The following EFCAB9 variants were observed in gnomAD, a reference collection of about 807,000 sequenced individuals.
EFCAB9 encodes the protein EF-hand calcium binding domain 9.
Under a neutral mutation model 15.6 loss-of-function variants are expected in EFCAB9, and 16 were observed. That is an observed-to-expected ratio of 1.03 (90% CI 0.69 to 1.56). The LOEUF is 1.56. EFCAB9 is among the 40% of genes most tolerant of loss of function. EFCAB9 has a pLI of 0.00. For synonymous variants in EFCAB9, 76 were observed against 85.4 expected (o/e 0.89, Z 0.61); for missense variants, 208 against 235.4 (o/e 0.88, Z 0.76).
intron 1 of EFCAB9, 100 bp from the exon 2 acceptor site, chr5:172,199,283 A>G: frequency 7.5e-7 from 1 of 1,341,410 alleles, no homozygotes; most frequent in East Asian, 2.5e-5. Flanking sequence ...TCCTAGATCA[A>G]TAAGCTTCCA....
chr5:172,201,842 CA>C (rs1473133070), intron 3 of EFCAB9, among the ~76,000 whole-genome samples: 5 of 151,736 alleles, frequency 3.3e-5, no homozygotes, highest in African/African-American at 1.2e-4. Flanking sequence ...GATCCTGTCT[CA>C]AAAAAAATTC....
intron 1 of EFCAB9, among the ~76,000 whole-genome samples, chr5:172,199,070 G>T (rs924770786): frequency 6.6e-6 from 1 of 152,110 alleles, no homozygotes; most frequent in Non-Finnish European, 1.5e-5. Flanking sequence ...ATATGTTAGC[G>T]CCTTGCCTTT....
In EFCAB9 at chr5:172,200,632, G is replaced by A; in HGVS notation, c.352G>A (p.Gly118Arg). ...TGTCTTTGACCTGCTTGACCTGAAA[G>A]GGGATCTGAGAATTGGTGCAAAAAA... ...RPVFDLLDLKGDLRIGAKNFE... is the reference protein window; with the variant it reads ...RPVFDLLDLKRDLRIGAKNFE... Residue 118 changes from glycine (G) to arginine (R), a missense_variant, in exon 3 of 4, where the codon GGG (glycine) becomes AGG (arginine). Transcript: ENST00000398186. 2 of 1,537,216 alleles carry A rather than the reference G, an allele frequency of 1.3e-6. No individual in the cohort carries two copies. Among genetic ancestry groups the A allele is most frequent in the Admixed American group, 3.9e-5 (2 of 50,974 alleles).
intron 2 of EFCAB9, 76 bp downstream of exon 2, chr5:172,199,607 C>T (rs1771222934): frequency 2.6e-5 from 38 of 1,485,856 alleles, no homozygotes; most frequent in Non-Finnish European, 3.1e-5. Flanking sequence ...AAGTTTTCCT[C>T]CTTTCACTAA....
At chr5:172,194,456 A>G (rs963189435) in intron 1 of EFCAB9, 148 bp downstream of exon 1, 13 of 1,083,498 alleles carry the variant, frequency 1.2e-5, no homozygotes, top group Non-Finnish European at 1.4e-5. Context: ...CTGGAGTACG[A>G]TGGCGCGATC....
chr5:172,196,565 G>A (rs1400222910), intron 1 of EFCAB9, among the ~76,000 whole-genome samples: 1 of 151,850 alleles, frequency 6.6e-6, no homozygotes, highest in Non-Finnish European at 1.5e-5. Context: ...TAGTAGAGAC[G>A]AGGTTTCTCC....
At chr5:172,201,775 G>A (rs1036097530) in intron 3 of EFCAB9, among the ~76,000 whole-genome samples, 4 of 152,114 alleles carry the variant, frequency 2.6e-5, no homozygotes, top group African/African-American at 9.7e-5. Flanking sequence ...CTGGGAGGCT[G>A]AGAAGGGAGG....
intron 3 of EFCAB9, 130 bp from the exon 4 acceptor site, chr5:172,203,084 A>C: frequency 1.1e-6 from 1 of 888,052 alleles, no homozygotes; most frequent in Non-Finnish European, 1.6e-6. Context: ...GACTATAATT[A>C]TGTCCCAATT....
At chr5:172,195,183 A>AATAAAAAT (rs779715012) in intron 1 of EFCAB9, among the ~76,000 whole-genome samples, 39 of 146,986 alleles carry the variant, frequency 2.7e-4, no homozygotes, top group South Asian at 4.2e-4. Context: ...TAAATAAATA[A>AATAAAAAT]AAATAAATAA....
At chr5:172,195,088 TGTGGGAA>T (rs1316359012) in intron 1 of EFCAB9, among the ~76,000 whole-genome samples, 1 of 151,962 alleles carries the variant, frequency 6.6e-6, no homozygotes, top group African/African-American at 2.4e-5. Context: ...TTATCTGTCA[TGTGGGAA>T]GTTTGAATCT....
At chr5:172,202,972 C>T (rs1461113047) in intron 3 of EFCAB9, among the ~76,000 whole-genome samples, 2 of 152,214 alleles carry the variant, frequency 1.3e-5, no homozygotes, top group Admixed American at 1.3e-4. Context: ...GCACTCCGGC[C>T]TGGGCGACAG....
intron 1 of EFCAB9, 56 bp from the exon 2 acceptor site, chr5:172,199,327 T>C (rs1303597932): frequency 1.3e-6 from 2 of 1,519,478 alleles, no homozygotes; most frequent in African/African-American, 1.4e-5. Context: ...TCTAGCTGTT[T>C]AGCATTTTGG....
rs1286419886 is a variant in EFCAB9, at chr5:172,194,303, T to G, written c.131T>G (p.Leu44Trp). 6.5e-7 allele frequency: 1 copy of G among 1,537,802 alleles called. No individual in the cohort carries two copies. Among genetic ancestry groups the G allele is most frequent in the African/African-American group, 1.4e-5 (1 of 73,060 alleles). Residue 44 changes from leucine (L) to tryptophan (W), a missense_variant, in exon 1 of 4, where the codon TTG (leucine) becomes TGG (tryptophan). By Grantham distance (61) the Leu-to-Trp change is moderately conservative. Transcript: ENST00000398186. ...CTGGACGTGCACGGCAAGAACACCT[T>G]GAATGGTCAGTACTTTCAGACATGT... ...HILDVHGKNT[L>W]NDVLFYHFLH...
chr5:172,195,082 CTGTCA>C (rs973668977), intron 1 of EFCAB9, among the ~76,000 whole-genome samples: 8 of 151,928 alleles, frequency 5.3e-5, no homozygotes, highest in Non-Finnish European at 1.0e-4. Context: ...CAAGATTTAT[CTGTCA>C]TGTGGGAAGT....
chr5:172,199,124 A>G (rs534350917), intron 1 of EFCAB9, among the ~76,000 whole-genome samples: 2 of 152,288 alleles, frequency 1.3e-5, no homozygotes, highest in African/African-American at 4.8e-5. Flanking sequence ...GGAGTGTGTG[A>G]GCTGGGGGCA....
intron 1 of EFCAB9, among the ~76,000 whole-genome samples, chr5:172,196,860 G>C (rs1771173284): frequency 6.6e-6 from 1 of 151,866 alleles, no homozygotes; most frequent in African/African-American, 2.4e-5. Flanking sequence ...ATTAATGAGT[G>C]GCAGGCAAAA....
chr5:172,202,065 G>A (rs1228626799), intron 3 of EFCAB9, among the ~76,000 whole-genome samples: 1 of 152,096 alleles, frequency 6.6e-6, no homozygotes, highest in Non-Finnish European at 1.5e-5. Context: ...CTGGGGTTGG[G>A]CGCGGTGGCT....
At position 172,199,477 on chromosome 5, in the gene EFCAB9, C is replaced by T. The variant is rs765184043; in HGVS notation, c.231C>T (p.Gly77=). The change falls in exon 2 of 4, where the codon GGC becomes GGT. Residue 77 remains glycine (G), a synonymous_variant. Transcript: ENST00000398186. Reference sequence around the variant, plus strand: ...ACATGCTGGACTGGAACGCTGTGGGCGAGATCGACTTTGAGAAGTTCTACA... The same window carrying T: ...ACATGCTGGACTGGAACGCTGTGGGTGAGATCGACTTTGAGAAGTTCTACA... ...VFDMLDWNAV[G]EIDFEKFYML... 34 of 1,537,200 alleles carry T rather than the reference C, an allele frequency of 2.2e-5. No homozygotes were observed. Among genetic ancestry groups the T allele is most frequent in the South Asian group, 1.5e-4 (13 of 84,064 alleles).
chr5:172,199,361 C>T, intron 1 of EFCAB9, 22 bp from the exon 2 acceptor site: 2 of 1,536,528 alleles, frequency 1.3e-6, no homozygotes, highest in South Asian at 2.4e-5. Flanking sequence ...TAACACATCT[C>T]CTCACCTGCC....
Sources: allele counts gnomAD v4.1 joint callset (sites outside exome capture counted in the v4.1 genomes callset), GRCh38; gene constraint gnomAD v4.1.1; transcripts MANE v1.5; gene names NCBI Gene and HGNC (gene_info 2026-07-23, HGNC 2026-07-21).